CAPN3: variants seen among roughly 807,000 people sequenced by gnomAD.
CAPN3 encodes the protein calpain 3, also known as calpain-3.
In CAPN3, 88 loss-of-function variants were observed where a neutral mutation model predicts 114.0. The observed-to-expected ratio is 0.77, with a 90% CI of 0.65 to 0.92. The LOEUF (loss-of-function observed/expected upper bound fraction) is 0.92, where lower values mean the gene tolerates loss of function less well. Among genes scored for constraint, CAPN3 ranks in the 40% least tolerant of loss-of-function variants. The probability of loss-of-function intolerance (pLI) is 0.00; values close to 1 mark genes in which losing one functional copy is unlikely to be tolerated. For synonymous variants in CAPN3, 386 were observed against 382.9 expected, an observed-to-expected ratio of 1.01 and a Z score of -0.09; for missense variants, 1,028 against 1,069.0, an observed-to-expected ratio of 0.96 and a Z score of 0.53.
At chr15:42,380,067 T>C (rs920794238) in intron 1 of CAPN3, among the ~76,000 whole-genome samples, 1 of 152,122 alleles carries the variant, frequency 6.6e-6, no homozygotes, top group Non-Finnish European at 1.5e-5. Flanking sequence ...GCCATTGCAT[T>C]CCAGCCTGGG....
chr15:42,379,419 G>A (rs1211722749), intron 1 of CAPN3, among the ~76,000 whole-genome samples: 1 of 152,200 alleles, frequency 6.6e-6, no homozygotes, highest in East Asian at 1.9e-4. Context: ...ATTGTTGGAT[G>A]TAGAATTCTA....
At chr15:42,410,544 G>C in intron 20 of CAPN3, 44 bp from the exon 21 acceptor site, 2 of 1,612,042 alleles carry the variant, frequency 1.2e-6, no homozygotes, top group Non-Finnish European at 1.7e-6. Flanking sequence ...GGTTGATTTG[G>C]AGATTCAGTG....
rs1595837966 is a variant in CAPN3, at chr15:42,402,363, C to T, written c.1536+228C>T. ...TTTCTCCCTCGCACCAGACACTGCA[C>T]GTCACACACATGCCTTTGCACACTC... is the stretch of plus-strand genomic sequence containing the variant. On this transcript the variant is annotated intron_variant, in intron 12 of 23. Transcript: ENST00000397163. 3.4e-5 allele frequency: 50 copies of T among 1,467,204 alleles called. No individual in the cohort carries two copies. In the East Asian group the frequency reaches 1.0e-3, roughly 30 times the overall value. 90.9% of individuals were successfully genotyped at this position (1,467,204 alleles called of 1,614,324 possible). A position where few individuals can be genotyped will look rare whatever the true frequency, so the allele number is the denominator to read the frequency against.
At chr15:42,368,128 T>G (rs898432641) in intron 1 of CAPN3, among the ~76,000 whole-genome samples, 1 of 152,214 alleles carries the variant, frequency 6.6e-6, no homozygotes, top group African/African-American at 2.4e-5. Flanking sequence ...CTAAGGTTTG[T>G]CTCCTCAAAA....
In CAPN3 at chr15:42,412,143, C is replaced by A. The variant is rs1466493052; in HGVS notation, c.*370C>A. 12 of 1,535,994 alleles carry A rather than the reference C, an allele frequency of 7.8e-6. No individual in the cohort carries two copies. Among genetic ancestry groups the A allele is most frequent in the Non-Finnish European group, 9.6e-6 (11 of 1,146,908 alleles). ...AGCACCTCCTTGTGCTAGAGCCCTC[C>A]ATCACCTTCACGCTGTCCCACCATG... is the stretch of plus-strand genomic sequence containing the variant. On this transcript the variant is annotated 3_prime_UTR_variant, in exon 24 of 24. Transcript: ENST00000397163.
chr15:42,387,701 T>C (rs1309636977), intron 3 of CAPN3, 52 bp from the exon 4 acceptor site: 1 of 1,611,272 alleles, frequency 6.2e-7, no homozygotes, highest in Non-Finnish European at 8.5e-7. Flanking sequence ...GAAGGACACA[T>C]TTCCTAACAG....
chr15:42,402,508 T>G, intron 12 of CAPN3: 1 of 1,431,076 alleles, frequency 7.0e-7, no homozygotes, highest in East Asian at 2.6e-5. Context: ...TAGGCCTCCT[T>G]GGGGGTCCTT....
At chr15:42,408,136 G>A in intron 15 of CAPN3, 75 bp from the exon 16 acceptor site, 1 of 955,808 alleles carries the variant, frequency 1.0e-6, no homozygotes, top group Admixed American at 1.8e-5. Flanking sequence ...GCTGCTCCAA[G>A]AGAGGTGCTG....
chr15:42,405,596 G>C (rs1304812544), intron 14 of CAPN3, among the ~76,000 whole-genome samples: 1 of 152,210 alleles, frequency 6.6e-6, no homozygotes, highest in Non-Finnish European at 1.5e-5. Flanking sequence ...ACAGGCATGA[G>C]CCAGCACGCC....
intron 8 of CAPN3, among the ~76,000 whole-genome samples, chr15:42,396,241 A>AT (rs554769961): frequency 0.035 from 4,448 of 125,764 alleles, 245 homozygotes; most frequent in African/African-American, 0.11. Context: ...TCCAGAACCC[A>AT]TTTTTTTTTT....
At chr15:42,386,455 A>T (rs2053410243) in intron 3 of CAPN3, among the ~76,000 whole-genome samples, 170 bp downstream of exon 3, 1 of 152,162 alleles carries the variant, frequency 6.6e-6, no homozygotes, top group African/African-American at 2.4e-5. Flanking sequence ...GCAGTTGCTT[A>T]TCTCTGGCTC....
intron 1 of CAPN3, among the ~76,000 whole-genome samples, chr15:42,368,103 A>C (rs1192992259): frequency 6.6e-6 from 1 of 152,212 alleles, no homozygotes; most frequent in Non-Finnish European, 1.5e-5. Context: ...CCATATTTGC[A>C]AATTCACCTA....
chr15:42,365,146 C>T (rs1049113074), intron 1 of CAPN3, among the ~76,000 whole-genome samples: 3 of 152,120 alleles, frequency 2.0e-5, no homozygotes, highest in Non-Finnish European at 2.9e-5. Context: ...TATTCCAGAC[C>T]CACCCTAACC....
intron 15 of CAPN3, 78 bp downstream of exon 15, chr15:42,406,021 G>A (rs747263649): frequency 2.1e-4 from 260 of 1,225,194 alleles, no homozygotes; most frequent in Non-Finnish European, 3.0e-4. Context: ...GTGCATGTGT[G>A]AGCTCATATG....
chr15:42,411,360 C>A lies in CAPN3; in HGVS notation c.2439+15C>A, dbSNP rs755407007. 9.3e-6 allele frequency: 15 copies of A among 1,611,796 alleles called. No homozygotes were observed. The highest frequency in any genetic ancestry group is 1.3e-5 in the Non-Finnish European group (15 of 1,177,888). On this transcript the variant is annotated intron_variant, in intron 23 of 23. Transcript: ENST00000397163. ...ACGTTCTGGAGGTAAAGCATAGGCACAGCACATTCCCCCTACACATTAAAA... is the reference window on the plus strand; with the variant it reads ...ACGTTCTGGAGGTAAAGCATAGGCAAAGCACATTCCCCCTACACATTAAAA...
chr15:42,408,242 G>A lies in CAPN3; in HGVS notation c.1832G>A (p.Ser611Asn). The change falls in exon 16 of 24, where the codon AGC becomes AAC. Residue 611 changes from serine (S) to asparagine (N), a missense_variant. Transcript: ENST00000397163. Reference protein sequence around the residue: ...PIIFVSDRANSNKELGVDQES... With the variant: ...PIIFVSDRANNNKELGVDQES... ...ATCTTCGTTTCGGACAGAGCAAACA[G>A]CAACAAGGAGCTGGGTGTGGACCAG... is the stretch of plus-strand genomic sequence containing the variant. The A allele has an allele frequency of 6.2e-7, 1 of 1,613,730 alleles. No individual in the cohort carries two copies. The highest frequency in any genetic ancestry group is 2.2e-5 in the East Asian group (1 of 44,870).
chr15:42,380,575 GTGTATGTGTGTA>G (rs2053215168), intron 1 of CAPN3, among the ~76,000 whole-genome samples: 1 of 146,814 alleles, frequency 6.8e-6, no homozygotes, highest in African/African-American at 2.5e-5. Flanking sequence ...GTGGGTGTGT[GTGTATGTGTGTA>G]TGTATATATA....
chr15:42,380,475 A>G (rs6493045), intron 1 of CAPN3, among the ~76,000 whole-genome samples: 38,523 of 137,860 alleles, frequency 0.28, 7,413 homozygotes, highest in African/African-American at 0.56. Flanking sequence ...CTGCCTCTTG[A>G]GCTCAAGCAA....
At chr15:42,406,029 A>G in intron 15 of CAPN3, 86 bp downstream of exon 15, 1 of 1,153,788 alleles carries the variant, frequency 8.7e-7, no homozygotes, top group Non-Finnish European at 1.3e-6. Flanking sequence ...GTGAGCTCAT[A>G]TGCATCCATG....
Sources: allele counts gnomAD v4.1 joint callset (sites outside exome capture counted in the v4.1 genomes callset), GRCh38; gene constraint gnomAD v4.1.1; transcripts MANE v1.5; gene names NCBI Gene and HGNC (gene_info 2026-07-23, HGNC 2026-07-21).